Variants in TBC1D8 observed in about 807,000 individuals in gnomAD.
The protein encoded by TBC1D8 is TBC1 domain family member 8.
In TBC1D8, 65 loss-of-function variants were observed where a neutral mutation model predicts 118.8. The observed-to-expected ratio is 0.55, with a 90% confidence interval of 0.45 to 0.67. The LOEUF (loss-of-function observed/expected upper bound fraction) is 0.67, where lower values mean the gene tolerates loss of function less well. Among genes scored for constraint, TBC1D8 ranks in the 30% least tolerant of loss-of-function variants. The probability of loss-of-function intolerance (pLI) is 0.00; values close to 1 mark genes in which losing one functional copy is unlikely to be tolerated. For missense variants in TBC1D8, 1,376 were observed against 1,471.2 expected (o/e 0.94, Z 1.06); for synonymous variants, 566 against 595.8 (o/e 0.95, Z 0.73).
chr2:101,116,946 G>A lies in TBC1D8; in HGVS notation c.128-26582C>T, dbSNP rs542611771. Among the ~76,000 whole-genome samples, 50 of 152,164 alleles carry A rather than the reference G, an allele frequency of 3.3e-4. 1 individual carries two copies. The highest frequency in any genetic ancestry group is 1.2e-3 in the African/African-American group (50 of 41,516). On this transcript the variant is annotated intron_variant, in intron 1 of 19. Transcript: ENST00000409318. ...GTGCACCACCATGCCCAGCCGAGAA[G>A]TGAAATTTAATGTTATTTAAGATGA...
intron 16 of TBC1D8, 56 bp downstream of exon 16, chr2:101,022,225 C>T: frequency 6.2e-7 from 1 of 1,609,144 alleles, no homozygotes; most frequent in Non-Finnish European, 8.5e-7. Flanking sequence ...ACTTTGTGTT[C>T]TGCTCACAGA....
chr2:101,108,901 T>C (rs1677401715), intron 1 of TBC1D8, among the ~76,000 whole-genome samples: 1 of 152,148 alleles, frequency 6.6e-6, no homozygotes, highest in Non-Finnish European at 1.5e-5. Context: ...TTGTAACAAA[T>C]AGGCCATACC....
At chr2:101,038,766 G>C in intron 6 of TBC1D8, 111 bp from the exon 7 acceptor site, 1 of 1,232,286 alleles carries the variant, frequency 8.1e-7, no homozygotes, top group Non-Finnish European at 1.2e-6. Flanking sequence ...ACTGCAGAAA[G>C]GAGATGATGC....
At chr2:101,076,915 C>G (rs557598218) in intron 2 of TBC1D8, among the ~76,000 whole-genome samples, 1 of 152,202 alleles carries the variant, frequency 6.6e-6, no homozygotes, top group Non-Finnish European at 1.5e-5. Context: ...GCAACTTCTG[C>G]TTCTGGGGAG....
At chr2:101,099,498 T>C (rs540932896) in intron 1 of TBC1D8, among the ~76,000 whole-genome samples, 4 of 152,324 alleles carry the variant, frequency 2.6e-5, no homozygotes, top group Admixed American at 2.0e-4. Context: ...GACTCCTCCC[T>C]AACTCATTTT....
chr2:101,017,850 C>T, intron 17 of TBC1D8: 2 of 1,550,666 alleles, frequency 1.3e-6, no homozygotes, highest in Non-Finnish European at 8.7e-7. Flanking sequence ...ACATGCAATT[C>T]CCAATTAGGT....
At chr2:101,084,194 C>A (rs567649446) in intron 2 of TBC1D8, among the ~76,000 whole-genome samples, 4 of 152,194 alleles carry the variant, frequency 2.6e-5, no homozygotes, top group African/African-American at 9.6e-5. Flanking sequence ...AGGGGAGGAC[C>A]CAGGGAAGCT....
intron 17 of TBC1D8, chr2:101,019,127 A>C: frequency 5.5e-5 from 84 of 1,526,988 alleles, no homozygotes; most frequent in Non-Finnish European, 6.8e-5. Context: ...AACCAAGCTC[A>C]CCGAGGACGT....
intron 2 of TBC1D8, among the ~76,000 whole-genome samples, chr2:101,077,115 C>T (rs1674886593): frequency 6.6e-6 from 1 of 152,166 alleles, no homozygotes; most frequent in African/African-American, 2.4e-5. Context: ...CCTCCGCCTC[C>T]CGGGTTCACG....
rs2105399739 is a variant in TBC1D8 at position 101,040,209 on chromosome 2, C to G, written c.1049G>C (p.Gly350Ala). 1.2e-6 allele frequency: 2 copies of G among 1,614,042 alleles called. No homozygotes were observed. The highest frequency in any genetic ancestry group is 2.2e-5 in the East Asian group (1 of 44,874). The change falls in exon 6 of 20, where the codon GGC becomes GCC. Residue 350 changes from glycine to alanine, a missense_variant. Transcript: ENST00000409318. ...SYICFASRED[G>A]CCKIILPLRE... ...GAGTGGCAGGATGATCTTACAGCAG[C>G]CATCTTCTCTGCTGGCAAAGCAGAT...
intron 17 of TBC1D8, among the ~76,000 whole-genome samples, chr2:101,013,595 C>T (rs1679396063): frequency 6.6e-6 from 1 of 152,182 alleles, no homozygotes; most frequent in African/African-American, 2.4e-5. Context: ...TTCATTGCTC[C>T]AACAGATACC....
intron 1 of TBC1D8, among the ~76,000 whole-genome samples, chr2:101,145,932 A>G (rs1679300869): frequency 6.6e-6 from 1 of 152,208 alleles, no homozygotes; most frequent in Non-Finnish European, 1.5e-5. Flanking sequence ...CCTTCACTAC[A>G]ATGCAAATGT....
At chr2:101,079,169 T>C (rs1675080060) in intron 2 of TBC1D8, among the ~76,000 whole-genome samples, 3 of 152,112 alleles carry the variant, frequency 2.0e-5, no homozygotes, top group African/African-American at 7.2e-5. Flanking sequence ...TTGCCAGTCA[T>C]CTCCTTTTGA....
chr2:101,091,767 G>A (rs1676052288), intron 1 of TBC1D8, among the ~76,000 whole-genome samples: 1 of 152,164 alleles, frequency 6.6e-6, no homozygotes, highest in Non-Finnish European at 1.5e-5. Context: ...TGGGAATCTA[G>A]ATGGCTAAGA....
At chr2:101,110,077 A>T (rs1186721393) in intron 1 of TBC1D8, 52 of 946,356 alleles carry the variant, frequency 5.5e-5, no homozygotes, top group Non-Finnish European at 6.3e-5. Context: ...TCTGGCTGAG[A>T]TAGATGTCAA....
In TBC1D8 at chr2:101,147,285, A is replaced by G. The variant is rs573261387; in HGVS notation, c.127+3842T>C. Among the ~76,000 whole-genome samples the G allele has an allele frequency of 4.6e-5, 7 of 152,348 alleles. No individual in the cohort carries two copies. The South Asian group carries it at 1.4e-3, about 32-fold the overall frequency. On this transcript the variant is annotated intron_variant, in intron 1 of 19. Transcript: ENST00000409318. ...AGTGATGCAATAAATACAGGAACGCAGGTATCTCTTCAACATACTGATTTC... is the reference window on the plus strand; with the variant it reads ...AGTGATGCAATAAATACAGGAACGCGGGTATCTCTTCAACATACTGATTTC...
intron 1 of TBC1D8, among the ~76,000 whole-genome samples, chr2:101,108,513 C>T (rs932515110): frequency 2.0e-5 from 3 of 152,282 alleles, no homozygotes; most frequent in South Asian, 2.1e-4. Context: ...GCACTAGGAT[C>T]GAGGTGGTGA....
chr2:101,027,278 C>T (rs1281734979), intron 15 of TBC1D8, 105 bp downstream of exon 15: 25 of 1,059,786 alleles, frequency 2.4e-5, no homozygotes, highest in Non-Finnish European at 3.3e-5. Context: ...GCCTCTGCTC[C>T]ACGGAGCCCT....
rs911110080 is a variant in TBC1D8 at position 101,007,581 on chromosome 2, G to A, written c.*240C>T. On this transcript the variant is annotated 3_prime_UTR_variant, in exon 20 of 20. Coordinates refer to ENST00000409318, the MANE Select transcript of TBC1D8 (RefSeq NM_001330348.2). The stretch of plus-strand genomic sequence containing the variant: ...AGAAGTGCCCATTTCAGCAAATCCG[G>A]TAAAAATTGTAAGTTGGCATCAAGG... 3 of 508,654 alleles carry A rather than the reference G, an allele frequency of 5.9e-6. No individual in the cohort carries two copies. The highest frequency in any genetic ancestry group is 1.9e-5 in the African/African-American group (1 of 52,316). 31.5% of individuals were successfully genotyped at this position (508,654 alleles called of 1,614,324 possible).
Sources: gnomAD v4.1 joint callset for allele counts (sites outside exome capture counted in the v4.1 genomes callset) on GRCh38, gnomAD v4.1.1 for gene constraint, MANE v1.5 for transcripts, NCBI Gene and HGNC (gene_info 2026-07-23, HGNC 2026-07-21) for gene names.